The following CRYL1 variants were observed in gnomAD, a reference collection of about 807,000 sequenced individuals.
CRYL1 encodes lambda-crystallin homolog.
A neutral mutation model predicts 36.6 loss-of-function variants in CRYL1; 29 were observed. The observed-to-expected ratio is 0.79, with a 90% CI of 0.59 to 1.08. The LOEUF (loss-of-function observed/expected upper bound fraction) is 1.08. CRYL1 is among the 50% of genes least tolerant of loss of function. The probability of loss-of-function intolerance (pLI) is 0.00; values close to 1 mark genes in which losing one functional copy is unlikely to be tolerated. For missense variants in CRYL1, 411 were observed against 407.9 expected (o/e 1.01, Z -0.06); for synonymous variants, 152 against 151.5 (o/e 1.00, Z -0.02).
At chr13:20,421,804 T>G (rs1012542567) in intron 5 of CRYL1, among the ~76,000 whole-genome samples, 2 of 151,804 alleles carry the variant, frequency 1.3e-5, no homozygotes, top group African/African-American at 4.8e-5. Context: ...ATTTATTTAT[T>G]TATTTATTTT....
At chr13:20,413,721 C>T (rs769264226) in intron 5 of CRYL1, among the ~76,000 whole-genome samples, 3 of 152,106 alleles carry the variant, frequency 2.0e-5, no homozygotes, top group Non-Finnish European at 4.4e-5. Flanking sequence ...AGTTTGTGTA[C>T]ACAAAACCAT....
intron 4 of CRYL1, among the ~76,000 whole-genome samples, chr13:20,439,220 T>A (rs1032275125): frequency 9.9e-5 from 15 of 152,218 alleles, no homozygotes; most frequent in African/African-American, 2.4e-4. Context: ...AGCACTTTTA[T>A]ATTGATAGTA....
intron 1 of CRYL1, chr13:20,515,654 T>C (rs371852764): frequency 2.6e-5 from 4 of 152,114 alleles, no homozygotes; most frequent in African/African-American, 9.7e-5. Flanking sequence ...CAGATGAATC[T>C]TGAGCACATT....
chr13:20,443,612 C>T (rs112841212), intron 3 of CRYL1, among the ~76,000 whole-genome samples: 5,238 of 152,112 alleles, frequency 0.034, 300 homozygotes, highest in African/African-American at 0.12. Context: ...AAGCTAGTCT[C>T]GAACTCCTGA....
At chr13:20,414,280 A>G (rs1051537337) in intron 5 of CRYL1, among the ~76,000 whole-genome samples, 12 of 151,268 alleles carry the variant, frequency 7.9e-5, no homozygotes, top group African/African-American at 2.9e-4. Context: ...TGTGTGTGAA[A>G]TGGTCAAACA....
intron 6 of CRYL1, among the ~76,000 whole-genome samples, chr13:20,406,846 G>T (rs2031390582): frequency 1.3e-5 from 2 of 151,598 alleles, no homozygotes; most frequent in South Asian, 4.2e-4. Flanking sequence ...GCCCTCACGA[G>T]ACCCCTCAGC....
At chr13:20,482,531 G>A (rs539550155) in intron 3 of CRYL1, among the ~76,000 whole-genome samples, 2 of 152,332 alleles carry the variant, frequency 1.3e-5, no homozygotes, top group South Asian at 4.1e-4. Context: ...ATTGCACTAA[G>A]TTCTAGAAAT....
chr13:20,471,612 AAAAGGAAAAGAC>A (rs1348942118), intron 3 of CRYL1, among the ~76,000 whole-genome samples: 70 of 152,174 alleles, frequency 4.6e-4, no homozygotes, highest in African/African-American at 1.6e-3. Flanking sequence ...CTCAAAAAAA[AAAAGGAAAAGAC>A]AAAGGAAATG....
intron 3 of CRYL1, among the ~76,000 whole-genome samples, chr13:20,486,669 C>T (rs373746861): frequency 2.6e-5 from 4 of 152,170 alleles, no homozygotes; most frequent in Non-Finnish European, 4.4e-5. Flanking sequence ...TCTCCTCATC[C>T]GGCTTGGCTC....
At chr13:20,405,701 A>G (rs3794383) in intron 6 of CRYL1, among the ~76,000 whole-genome samples, 1,905 of 152,298 alleles carry the variant, frequency 0.013, 109 homozygotes, top group Admixed American at 0.093. Flanking sequence ...TTGGAGAGCC[A>G]TGATTTCTCA....
intron 4 of CRYL1, among the ~76,000 whole-genome samples, chr13:20,438,952 A>C (rs1220383553): frequency 6.6e-6 from 1 of 152,158 alleles, no homozygotes; most frequent in Non-Finnish European, 1.5e-5. Flanking sequence ...TTGCACGCCA[A>C]TCTGAAACTC....
chr13:20,525,823 C>T lies in CRYL1; in HGVS notation c.-29G>A. ...TGGGCCGGGGACGCGGCGCCGCGGG[C>T]GCTGGGACCAGGCGCCGGCGGAGCT... is the stretch of plus-strand genomic sequence containing the variant. On this transcript the variant is annotated 5_prime_UTR_variant, in exon 1 of 8. Transcript: ENST00000298248. This position sits in a 1 kb window ranked among gnomAD's most constrained non-coding sequence, Gnocchi z 4.3. The T allele has an allele frequency of 1.6e-6, 2 of 1,225,330 alleles. No homozygotes were observed. Among genetic ancestry groups the T allele is most frequent in the East Asian group, 6.6e-5 (2 of 30,116 alleles). 75.9% of individuals were successfully genotyped at this position (1,225,330 alleles called of 1,614,324 possible). A position where few individuals can be genotyped will look rare whatever the true frequency, so the allele number is the denominator to read the frequency against.
intron 5 of CRYL1, among the ~76,000 whole-genome samples, chr13:20,420,523 GA>G (rs60801537): frequency 0.2 from 28,488 of 144,542 alleles, 3,090 homozygotes; most frequent in East Asian, 0.32. Context: ...GGATTTAAAA[GA>G]AAAAAAAAAA....
At chr13:20,454,503 C>T (rs527241174) in intron 3 of CRYL1, among the ~76,000 whole-genome samples, 84 of 150,762 alleles carry the variant, frequency 5.6e-4, no homozygotes, top group Admixed American at 2.7e-3. Context: ...CTGCAAGCTC[C>T]GCCTCTGAAG....
intron 4 of CRYL1, 149 bp downstream of exon 4, chr13:20,439,444 G>T: frequency 1.5e-6 from 1 of 649,370 alleles, no homozygotes; most frequent in Non-Finnish European, 2.5e-6. Flanking sequence ...TTGTGTAAGT[G>T]AATTATATCT....
chr13:20,421,403 C>T (rs1213095169), intron 5 of CRYL1, among the ~76,000 whole-genome samples: 1 of 152,018 alleles, frequency 6.6e-6, no homozygotes, highest in Non-Finnish European at 1.5e-5. Context: ...GAGTGTAAGC[C>T]CTGACTCCAA....
chr13:20,416,876 C>T (rs2031681584), intron 5 of CRYL1, among the ~76,000 whole-genome samples: 1 of 152,196 alleles, frequency 6.6e-6, no homozygotes, highest in Non-Finnish European at 1.5e-5. Flanking sequence ...TTCCCTCCAA[C>T]TCCCATGTTC....
At chr13:20,442,589 C>A (rs558463165) in intron 3 of CRYL1, among the ~76,000 whole-genome samples, 1 of 152,188 alleles carries the variant, frequency 6.6e-6, no homozygotes, top group African/African-American at 2.4e-5. Flanking sequence ...TGAGAAGGCA[C>A]CTGCACTCCC....
intron 2 of CRYL1, among the ~76,000 whole-genome samples, chr13:20,495,120 A>AT (rs890569954): frequency 2.0e-5 from 3 of 151,986 alleles, no homozygotes; most frequent in African/African-American, 7.3e-5. Context: ...ATTAATTCCA[A>AT]TTTTTTTTAT....
Sources: gnomAD v4.1 joint callset for allele counts (sites outside exome capture counted in the v4.1 genomes callset) on GRCh38, gnomAD v4.1.1 for gene constraint, Gnocchi (gnomAD v3.1) non-coding constraint, MANE v1.5 for transcripts, NCBI Gene and HGNC (gene_info 2026-07-23, HGNC 2026-07-21) for gene names.